The following LMTK2 variants were observed in gnomAD, a reference collection of about 807,000 sequenced individuals.
The protein encoded by LMTK2 is lemur tail kinase 2.
In LMTK2, 37 loss-of-function variants were observed where a neutral mutation model predicts 127.5. The observed-to-expected ratio is 0.29, with a 90% CI of 0.22 to 0.38. LMTK2 has a LOEUF of 0.38. LMTK2 is among the 10% of genes least tolerant of loss of function. LMTK2 has a pLI of 1.00. For missense variants in LMTK2, 1,694 were observed against 1,920.3 expected (o/e 0.88, Z 2.20); for synonymous variants, 819 against 810.1 (o/e 1.01, Z -0.19).
intron 6 of LMTK2, among the ~76,000 whole-genome samples, chr7:98,164,015 A>C (rs766842710): frequency 3.3e-5 from 5 of 152,240 alleles, no homozygotes; most frequent in Non-Finnish European, 7.3e-5. Context: ...CCCAAGTAGA[A>C]AGGAGAAAAT....
At position 98,193,063 on chromosome 7, in the gene LMTK2, G is replaced by T; in HGVS notation, c.2598G>T (p.Pro866=). 6.2e-7 allele frequency: 1 copy of T among 1,613,838 alleles called. No homozygotes were observed. The highest frequency in any genetic ancestry group is 1.1e-5 in the South Asian group (1 of 91,062). The change falls in exon 11 of 14, where the codon CCG becomes CCT. Residue 866 remains proline, a synonymous_variant. Coordinates refer to ENST00000297293, the MANE Select transcript of LMTK2 (RefSeq NM_014916.4). This position sits in a 1 kb window ranked among gnomAD's most constrained non-coding sequence, Gnocchi z 4.1. ...TCAGTCCAGACGCTGTGACTGTCCCGGTTGAAATTCTCTCAACTGATGCCA... is the reference window on the plus strand; with the variant it reads ...TCAGTCCAGACGCTGTGACTGTCCCTGTTGAAATTCTCTCAACTGATGCCA... ...QDISPDAVTV[P]VEILSTDART...
chr7:98,209,329 A>C lies in LMTK2; in HGVS notation c.*3837A>C. On this transcript the variant is annotated 3_prime_UTR_variant, in exon 14 of 14. Coordinates refer to ENST00000297293, the MANE Select transcript of LMTK2 (RefSeq NM_014916.4). ...CGGTGTGGACACGTGCTGGTTAAGCACTCAGGCCTACGTGGGCCGAGCGGG... is the reference window on the plus strand; with the variant it reads ...CGGTGTGGACACGTGCTGGTTAAGCCCTCAGGCCTACGTGGGCCGAGCGGG... The C allele has an allele frequency of 6.6e-6, 1 of 152,218 alleles. No homozygotes were observed. The highest frequency in any genetic ancestry group is 1.9e-4 in the East Asian group (1 of 5,194). The allele number at this position is 152,218 out of a possible 1,614,324, so 9.4% of individuals were successfully genotyped here. A position where few individuals can be genotyped will look rare whatever the true frequency, so the allele number is the denominator to read the frequency against.
rs1796115269 is a variant in LMTK2 at position 98,106,995 on chromosome 7, G to A, written c.-183G>A. 2.1e-6 allele frequency: 1 copy of A among 469,740 alleles called. No individual in the cohort carries two copies. The highest frequency in any genetic ancestry group is 3.7e-6 in the Non-Finnish European group (1 of 267,266). The allele number at this position is 469,740 out of a possible 1,614,324, so 29.1% of individuals were successfully genotyped here. A position where few individuals can be genotyped will look rare whatever the true frequency, so the allele number is the denominator to read the frequency against. The stretch of plus-strand genomic sequence containing the variant: ...CGGGCGGGAAGGATGGTGTTTCTGC[G>A]ACTGGAGCGGCAGGTGCGGACCGGG... On this transcript the variant is annotated 5_prime_UTR_variant, in exon 1 of 14. Transcript: ENST00000297293.
At chr7:98,182,117 C>T (rs116467400) in intron 7 of LMTK2, among the ~76,000 whole-genome samples, 239 of 152,144 alleles carry the variant, frequency 1.6e-3, no homozygotes, top group African/African-American at 5.5e-3. Flanking sequence ...GGATCAAAGA[C>T]CTAAATGTAA....
chr7:98,193,980 G>A lies in LMTK2; in HGVS notation c.3515G>A (p.Ser1172Asn). 6.2e-7 allele frequency: 1 copy of A among 1,614,092 alleles called. No individual in the cohort carries two copies. Among genetic ancestry groups the A allele is most frequent in the Non-Finnish European group, 8.5e-7 (1 of 1,180,052 alleles). The change falls in exon 11 of 14, where the codon AGT (serine) becomes AAT (asparagine). Residue 1172 changes from serine to asparagine, a missense_variant. Ser to Asn is a conservative substitution (Grantham distance 46, BLOSUM62 1). This residue lies in a region of LMTK2 where 554 missense variants were observed against 567.7 expected (regional missense o/e 0.98). Transcript: ENST00000297293. The surrounding 1 kb of genome is among the most constrained non-coding windows in gnomAD (Gnocchi z 4.1). ...ESCLSALHNS[S>N]DLELRATPEP... ...TGTCTGTCTGCTTTGCACAACTCCA[G>A]TGACCTGGAATTAAGAGCCACGCCG... is the stretch of plus-strand genomic sequence containing the variant.
chr7:98,191,500 C>T (rs371516193), intron 10 of LMTK2, 114 bp from the exon 11 acceptor site: 18 of 795,948 alleles, frequency 2.3e-5, no homozygotes, highest in Non-Finnish European at 2.7e-5. Context: ...TGCAGTGAGC[C>T]GGGATCATGC....
At chr7:98,133,198 A>G (rs915247984) in intron 1 of LMTK2, among the ~76,000 whole-genome samples, 1 of 152,190 alleles carries the variant, frequency 6.6e-6, no homozygotes, top group Non-Finnish European at 1.5e-5. Context: ...GTGATGGGAA[A>G]AGCTGCCTAA....
rs533430608 is a variant in LMTK2, at chr7:98,135,642, A to G, written c.104-1673A>G. On this transcript the variant is annotated intron_variant, in intron 1 of 13. Transcript: ENST00000297293. ...GCCATAGATGAGGATTTTAAGGAAA[A>G]GTTTATTTCTCAGTAAAACTCCAGT... 8.9e-4 allele frequency among the ~76,000 whole-genome samples: 136 copies of G among 152,232 alleles called. No individual in the cohort carries two copies. In the Middle Eastern group the frequency reaches 0.01, roughly 11 times the overall value.
chr7:98,196,221 C>A (rs1797620456), intron 11 of LMTK2, among the ~76,000 whole-genome samples: 1 of 151,672 alleles, frequency 6.6e-6, no homozygotes, highest in Non-Finnish European at 1.5e-5. Context: ...CTCCTGAGCT[C>A]AGCCTGACCT....
chr7:98,194,057 G>T lies in LMTK2; in HGVS notation c.3592G>T (p.Ala1198Ser). 1 of 1,614,150 alleles carries T rather than the reference G, an allele frequency of 6.2e-7. No homozygotes were observed. Among genetic ancestry groups the T allele is most frequent in the Non-Finnish European group, 8.5e-7 (1 of 1,180,034 alleles). The change falls in exon 11 of 14, where the codon GCC (alanine) becomes TCC (serine). Residue 1198 changes from alanine to serine, a missense_variant. Transcript: ENST00000297293. This position sits in a 1 kb window ranked among gnomAD's most constrained non-coding sequence, Gnocchi z 5.4. ...GCAGGTGCATCCCACGGAAGACGAG[G>T]CCAGCAGTCCCTGGAGTGTGCTGAA... is the stretch of plus-strand genomic sequence containing the variant. ...PQQVHPTEDE[A>S]SSPWSVLNAE...
chr7:98,135,054 G>C (rs1415198905), intron 1 of LMTK2, among the ~76,000 whole-genome samples: 1 of 152,162 alleles, frequency 6.6e-6, no homozygotes, highest in Non-Finnish European at 1.5e-5. Flanking sequence ...TTTCAGCATT[G>C]CTTTCACAAA....
At chr7:98,146,347 C>T (rs1051501246) in intron 3 of LMTK2, among the ~76,000 whole-genome samples, 5 of 152,054 alleles carry the variant, frequency 3.3e-5, no homozygotes, top group Non-Finnish European at 1.5e-5. Flanking sequence ...TATCAGCCTT[C>T]CTATTTCTCT....
intron 3 of LMTK2, among the ~76,000 whole-genome samples, chr7:98,150,356 C>T (rs1023767637): frequency 3.3e-5 from 5 of 151,854 alleles, no homozygotes; most frequent in African/African-American, 1.2e-4. Flanking sequence ...ATTGCATACC[C>T]TTTAGAATGG....
At chr7:98,183,769 G>T (rs568309817) in intron 7 of LMTK2, among the ~76,000 whole-genome samples, 1 of 152,026 alleles carries the variant, frequency 6.6e-6, no homozygotes, top group Non-Finnish European at 1.5e-5. Flanking sequence ...TCCTAGCCTC[G>T]AGTGATCCGC....
intron 11 of LMTK2, among the ~76,000 whole-genome samples, chr7:98,198,022 A>G (rs1177698737): frequency 6.6e-6 from 1 of 151,964 alleles, no homozygotes; most frequent in Non-Finnish European, 1.5e-5. Context: ...TTTGGAAGAG[A>G]TTATGTAGAT....
At chr7:98,133,920 G>A (rs1385859737) in intron 1 of LMTK2, among the ~76,000 whole-genome samples, 1 of 152,168 alleles carries the variant, frequency 6.6e-6, no homozygotes. Flanking sequence ...CAAAAACTCT[G>A]GGTGCAAGAG....
chr7:98,171,746 G>T lies in LMTK2; in HGVS notation c.791+72G>T. Reference sequence around the variant, plus strand: ...ACAGTCCAGAGAGGCTGCCGAGTTTGTGAAACTTAAGGAGGACAGGAGGTG... The same window carrying T: ...ACAGTCCAGAGAGGCTGCCGAGTTTTTGAAACTTAAGGAGGACAGGAGGTG... On this transcript the variant is annotated intron_variant, in intron 7 of 13. Transcript: ENST00000297293. This position sits in a 1 kb window ranked among gnomAD's most constrained non-coding sequence, Gnocchi z 5.1. 2 of 1,462,668 alleles carry T rather than the reference G, an allele frequency of 1.4e-6. No homozygotes were observed. The highest frequency in any genetic ancestry group is 1.8e-6 in the Non-Finnish European group (2 of 1,110,724). The allele number at this position is 1,462,668 out of a possible 1,614,324, so 90.6% of individuals were successfully genotyped here. A position where few individuals can be genotyped will look rare whatever the true frequency, so the allele number is the denominator to read the frequency against.
chr7:98,180,762 TATAAC>T (rs576144047), intron 7 of LMTK2, among the ~76,000 whole-genome samples: 58 of 152,320 alleles, frequency 3.8e-4, no homozygotes, highest in East Asian at 1.5e-3. Flanking sequence ...AATATTTACT[TATAAC>T]AGACTATTAC....
chr7:98,144,455 A>AAT (rs1022694629), intron 3 of LMTK2, among the ~76,000 whole-genome samples: 1 of 151,316 alleles, frequency 6.6e-6, no homozygotes, highest in Non-Finnish European at 1.5e-5. Context: ...AGAAAGAAAA[A>AAT]ATATATATAT....
Sources: allele counts gnomAD v4.1 joint callset (sites outside exome capture counted in the v4.1 genomes callset), GRCh38; gene constraint gnomAD v4.1.1; regional missense constraint gnomAD v4.1.1; non-coding constraint Gnocchi (gnomAD v3.1); transcripts MANE v1.5; gene names NCBI Gene and HGNC (gene_info 2026-07-23, HGNC 2026-07-21).